Variants in FGF14 observed in about 807,000 individuals in gnomAD.
FGF14 encodes the protein fibroblast growth factor 14.
FGF14 carries 5 observed loss-of-function variants against 25.5 expected under a neutral mutation model. The observed-to-expected ratio is 0.20, with a 90% CI of 0.10 to 0.41. FGF14 has a LOEUF of 0.41. Ranked by LOEUF, FGF14 falls within the 10% of genes least tolerant of loss-of-function variation. The pLI is 1.00. For synonymous variants in FGF14, 138 were observed against 118.3 expected (o/e 1.17, Z -1.08); for missense variants, 222 against 320.1 (o/e 0.69, Z 2.34).
At chr13:102,058,725 T>C (rs1332500098) in intron 1 of FGF14, among the ~76,000 whole-genome samples, 3 of 152,296 alleles carry the variant, frequency 2.0e-5, no homozygotes, top group East Asian at 1.9e-4. Context: ...AAGATGTCCA[T>C]ATCTCCATTT....
intron 1 of FGF14, among the ~76,000 whole-genome samples, chr13:102,057,148 T>C (rs559885793): frequency 2.2e-4 from 33 of 152,192 alleles, no homozygotes; most frequent in Non-Finnish European, 4.1e-4. Context: ...AATGATATAA[T>C]TGTTTATAAA....
chr13:102,146,156 G>A (rs917548788), intron 1 of FGF14, among the ~76,000 whole-genome samples: 2 of 152,066 alleles, frequency 1.3e-5, no homozygotes, highest in African/African-American at 4.8e-5. Flanking sequence ...AGTGTCAGTT[G>A]GGGAAAAAAA....
chr13:101,719,335 C>CTATT lies in FGF14; in HGVS notation c.*3492_*3495dup, dbSNP rs1322612477. 5.3e-5 allele frequency: 8 copies of CTATT among 152,024 alleles called. No individual in the cohort carries two copies. Among genetic ancestry groups the CTATT allele is most frequent in the Admixed American group, 2.0e-4 (3 of 15,250 alleles). The allele number at this position is 152,024 out of a possible 1,614,324, so 9.4% of individuals were successfully genotyped here. ...TTCTGCTTGCTCCCCAAGAGGCAAA[C>CTATT]TATTAGAAGAACTGGAGCGGGAGTC... On this transcript the variant is annotated 3_prime_UTR_variant, in exon 5 of 5. Transcript: ENST00000376143.
Position 102,244,759 on chromosome 13 carries a change from G to A in FGF14, c.208+156712C>T, listed in dbSNP as rs192985982. ...ATGTGCCTGACCCAGCACAGAGAAA[G>A]AAACTGTGCTCCATCCCAGCAGAGG... On this transcript the variant is annotated intron_variant, in intron 1 of 4. Transcript: ENST00000376131. Among the ~76,000 whole-genome samples the A allele has an allele frequency of 3.0e-3, 461 of 152,110 alleles. 2 individuals carry two copies. Among genetic ancestry groups the A allele is most frequent in the African/African-American group, 0.011 (446 of 41,520 alleles).
At chr13:102,188,946 G>GAGAAAGAAAGAAAGAAAGAA (rs71125054) in intron 1 of FGF14, among the ~76,000 whole-genome samples, 41 of 90,904 alleles carry the variant, frequency 4.5e-4, no homozygotes, top group Non-Finnish European at 7.2e-4. Context: ...AAAGAAAGGA[G>GAGAAAGAAAGAAAGAAAGAA]AGAAAGAAAG....
chr13:102,248,002 T>G (rs1314768501), intron 1 of FGF14, among the ~76,000 whole-genome samples: 1 of 152,054 alleles, frequency 6.6e-6, no homozygotes, highest in Non-Finnish European at 1.5e-5. Context: ...GAAAGCCAAA[T>G]AGTGCATGTT....
At chr13:101,868,357 TACTC>T (rs1457730859) in intron 3 of FGF14, 1 of 206,820 alleles carries the variant, frequency 4.8e-6, no homozygotes, top group Non-Finnish European at 9.9e-6. Context: ...CTTTAGAAAA[TACTC>T]TCCTTTTACT....
intron 1 of FGF14, chr13:102,395,179 T>C (rs2058550165): frequency 6.6e-6 from 1 of 152,204 alleles, no homozygotes; most frequent in Non-Finnish European, 1.5e-5. Context: ...TCGAGGTTCT[T>C]TACTAATGAG....
chr13:102,238,878 T>C (rs2051451579), intron 1 of FGF14, among the ~76,000 whole-genome samples: 1 of 152,178 alleles, frequency 6.6e-6, no homozygotes, highest in South Asian at 2.1e-4. Flanking sequence ...TGTCTGTCCT[T>C]AGAAAGGTAG....
At chr13:101,724,846 A>G (rs2035296107) in intron 4 of FGF14, among the ~76,000 whole-genome samples, 1 of 151,442 alleles carries the variant, frequency 6.6e-6, no homozygotes. Flanking sequence ...GAAAACATAA[A>G]AAGTATTATT....
At chr13:102,127,645 GTTCTA>G (rs775854245) in intron 1 of FGF14, among the ~76,000 whole-genome samples, 3 of 152,112 alleles carry the variant, frequency 2.0e-5, no homozygotes, top group Non-Finnish European at 4.4e-5. Flanking sequence ...ATGTCTTAAT[GTTCTA>G]TTCTTTTTGT....
At chr13:101,792,271 T>C (rs978268) in intron 3 of FGF14, among the ~76,000 whole-genome samples, 133,034 of 152,148 alleles carry the variant, frequency 0.87, 59,572 homozygotes, top group East Asian at 1. Flanking sequence ...GGAAAAGAGC[T>C]GTGGTCCACA....
rs541459283 is a variant in FGF14 at position 101,915,876 on chromosome 13, C to T, written c.193+577G>A. Among the ~76,000 whole-genome samples the T allele has an allele frequency of 3.3e-5, 5 of 152,386 alleles. No individual in the cohort carries two copies. The South Asian group carries it at 1.0e-3, about 32-fold the overall frequency. On this transcript the variant is annotated intron_variant, in intron 1 of 4. Coordinates refer to ENST00000376143, the MANE Select transcript of FGF14 (RefSeq NM_004115.4). ...GCAGAGCCCAGGGCTGCGCGCTAAG[C>T]AGCCTTCTGCTGAACCTCAGCGGAC...
chr13:102,139,153 T>G (rs867510282), intron 1 of FGF14, among the ~76,000 whole-genome samples: 42 of 152,262 alleles, frequency 2.8e-4, no homozygotes, highest in Non-Finnish European at 2.1e-4. Context: ...CAGATCTGAG[T>G]GTGAATCTTG....
At chr13:102,393,000 T>A (rs764172641) in intron 1 of FGF14, among the ~76,000 whole-genome samples, 16 of 152,164 alleles carry the variant, frequency 1.1e-4, no homozygotes, top group Non-Finnish European at 1.9e-4. Flanking sequence ...AGAAACACCC[T>A]CTATTTCTCA....
At chr13:102,028,282 G>A (rs190888242) in intron 1 of FGF14, among the ~76,000 whole-genome samples, 3 of 152,132 alleles carry the variant, frequency 2.0e-5, no homozygotes, top group East Asian at 1.9e-4. Flanking sequence ...ATTAAGTCAC[G>A]AGGGCAGAGC....
chr13:101,768,227 G>T lies in FGF14; in HGVS notation c.409-41417C>A, dbSNP rs533582463. On this transcript the variant is annotated intron_variant, in intron 3 of 4. Coordinates refer to ENST00000376143, the MANE Select transcript of FGF14 (RefSeq NM_004115.4). The stretch of plus-strand genomic sequence containing the variant: ...TGATGAATGTCCACATAAAACAGTG[G>T]GAAGAAAATATGTTTAAAAGTACAT... Among the ~76,000 whole-genome samples the T allele has an allele frequency of 4.0e-5, 6 of 151,866 alleles. No individual in the cohort carries two copies. The East Asian group carries it at 1.2e-3, about 29-fold the overall frequency.
intron 3 of FGF14, among the ~76,000 whole-genome samples, chr13:101,748,684 G>A (rs1379734598): frequency 7.0e-6 from 1 of 142,392 alleles, no homozygotes; most frequent in Non-Finnish European, 1.5e-5. Context: ...ATTGGAGTCT[G>A]TGTGCATTGT....
intron 1 of FGF14, among the ~76,000 whole-genome samples, chr13:102,055,941 A>C (rs1220471649): frequency 6.6e-6 from 1 of 152,096 alleles, no homozygotes; most frequent in African/African-American, 2.4e-5. Context: ...AGCCAAGGGA[A>C]AAGGGAAATC....
Sources: gnomAD v4.1 joint callset for allele counts (sites outside exome capture counted in the v4.1 genomes callset) on GRCh38, gnomAD v4.1.1 for gene constraint, MANE v1.5 for transcripts, NCBI Gene and HGNC (gene_info 2026-07-23, HGNC 2026-07-21) for gene names.